L3HYPDH: variants seen among roughly 807,000 people sequenced by gnomAD.
L3HYPDH encodes trans-3-hydroxy-L-proline dehydratase.
In L3HYPDH, 32 loss-of-function variants were observed where a neutral mutation model predicts 26.5. The observed-to-expected ratio is 1.21, with a 90% CI of 0.91 to 1.62. L3HYPDH has a LOEUF of 1.62. Ranked by LOEUF, L3HYPDH falls within the 40% of genes most tolerant of loss-of-function variation. The pLI, the probability that L3HYPDH is intolerant of heterozygous loss-of-function variation, is 0.00. For synonymous variants in L3HYPDH, 215 were observed against 196.6 expected (o/e 1.09, Z -0.78); for missense variants, 554 against 476.4 (o/e 1.16, Z -1.52).
the L3HYPDH span, chr14:59,504,035 C>T: frequency 6.2e-7 from 1 of 1,613,714 alleles, no homozygotes. Flanking sequence ...TTTACCGAAC[C>T]TTCAAGGATA....
the L3HYPDH span, chr14:59,494,910 C>A: frequency 1.3e-6 from 1 of 771,112 alleles, no homozygotes; most frequent in Non-Finnish European, 2.1e-6. Flanking sequence ...TAGTTTTTGA[C>A]TTTTCTTATA....
At chr14:59,500,829 G>A in the L3HYPDH span, 1 of 159,372 alleles carries the variant, frequency 6.3e-6, no homozygotes, top group Non-Finnish European at 1.4e-5. Flanking sequence ...ATTTTTTATG[G>A]TTAAAAAATC....
upstream of L3HYPDH, among the ~76,000 whole-genome samples, chr14:59,486,398 T>TTATA (rs1409669220): frequency 3.9e-5 from 6 of 152,274 alleles, no homozygotes; most frequent in East Asian, 3.9e-4. Context: ...TATTTGAACT[T>TTATA]TATAATCAGT....
intron 2 of L3HYPDH, among the ~76,000 whole-genome samples, chr14:59,477,123 G>C (rs541373136): frequency 6.6e-6 from 1 of 152,300 alleles, no homozygotes; most frequent in Admixed American, 6.5e-5. Flanking sequence ...TCCTCTTAAA[G>C]TGATACGCCC....
chr14:59,501,658 C>G, the L3HYPDH span, among the ~76,000 whole-genome samples: 1 of 152,144 alleles, frequency 6.6e-6, no homozygotes, highest in South Asian at 2.1e-4. Context: ...CATTAATAGT[C>G]ATCAGTAATT....
chr14:59,497,351 T>C, the L3HYPDH span, among the ~76,000 whole-genome samples: 1 of 152,144 alleles, frequency 6.6e-6, no homozygotes, highest in Non-Finnish European at 1.5e-5. Flanking sequence ...GTAGGCAGCA[T>C]GGATTGAAAG....
the L3HYPDH span, among the ~76,000 whole-genome samples, chr14:59,492,349 A>G: frequency 1.3e-5 from 2 of 152,346 alleles, no homozygotes; most frequent in Admixed American, 1.3e-4. Context: ...ACTGAGAAAG[A>G]AGGAGATGGA....
At chr14:59,504,957 T>A in the L3HYPDH span, 1 of 229,356 alleles carries the variant, frequency 4.4e-6, no homozygotes, top group South Asian at 1.6e-4. Context: ...TTGTGGTTTG[T>A]GATAGGTGTT....
chr14:59,504,576 T>C, the L3HYPDH span: 1 of 153,168 alleles, frequency 6.5e-6, no homozygotes, highest in Non-Finnish European at 1.5e-5. Flanking sequence ...TTTTCATCAA[T>C]ACAGTATTTT....
At chr14:59,497,422 A>T in the L3HYPDH span, among the ~76,000 whole-genome samples, 51 of 152,322 alleles carry the variant, frequency 3.3e-4, no homozygotes, top group African/African-American at 9.6e-4. Flanking sequence ...AAACGTAATC[A>T]CTTCCAGAAA....
At chr14:59,496,672 A>G in the L3HYPDH span, among the ~76,000 whole-genome samples, 1 of 152,158 alleles carries the variant, frequency 6.6e-6, no homozygotes, top group Non-Finnish European at 1.5e-5. Flanking sequence ...TAGCCTAAGA[A>G]TCTTGTGGCA....
intron 4 of L3HYPDH, chr14:59,474,709 A>G (rs1889508555): frequency 2.3e-5 from 13 of 556,158 alleles, no homozygotes; most frequent in Middle Eastern, 3.3e-4. Flanking sequence ...AAAAACGATA[A>G]TAACAGCACA....
the L3HYPDH span, among the ~76,000 whole-genome samples, chr14:59,491,552 T>C: frequency 3.3e-5 from 5 of 152,238 alleles, no homozygotes. Flanking sequence ...TGTGTGTTTA[T>C]GTTTTCAGTG....
chr14:59,484,720 C>T (rs1890381312), upstream of L3HYPDH: 1 of 1,220,544 alleles, frequency 8.2e-7, no homozygotes, highest in South Asian at 1.3e-5. Context: ...CCCTTGACCC[C>T]GCCCGCCCTC....
At chr14:59,499,014 C>A in the L3HYPDH span, 4 of 232,406 alleles carry the variant, frequency 1.7e-5, no homozygotes, top group East Asian at 9.0e-5. Context: ...TTTGTTTAAT[C>A]CTTTTTTTTT....
chr14:59,476,443 G>C (rs1889636054), intron 2 of L3HYPDH, among the ~76,000 whole-genome samples: 1 of 152,182 alleles, frequency 6.6e-6, no homozygotes, highest in African/African-American at 2.4e-5. Context: ...TTCTAAGGAA[G>C]CTGTCCTGCA....
intron 2 of L3HYPDH, chr14:59,478,912 C>G (rs1889822812): frequency 3.2e-6 from 1 of 311,244 alleles, no homozygotes; most frequent in Non-Finnish European, 5.8e-6. Flanking sequence ...AGCTGATGAG[C>G]TAAAAAAAAA....
At chr14:59,468,487 C>T (rs949561135), downstream of L3HYPDH, among the ~76,000 whole-genome samples, 6 of 152,184 alleles carry the variant, frequency 3.9e-5, no homozygotes, top group African/African-American at 1.2e-4. Context: ...CCCATCTTCG[C>T]GTTAAGGTTA....
At chr14:59,504,205 G>GTCTT in the L3HYPDH span, 3 of 640,676 alleles carry the variant, frequency 4.7e-6, no homozygotes, top group Admixed American at 2.9e-5. Context: ...GTTTGGGTTT[G>GTCTT]TCTTTGTTTT....
Sources: allele counts gnomAD v4.1 joint callset (sites outside exome capture counted in the v4.1 genomes callset), GRCh38; gene constraint gnomAD v4.1.1; transcripts MANE v1.5; gene names NCBI Gene and HGNC (gene_info 2026-07-23, HGNC 2026-07-21).